WDR48: variants seen among roughly 807,000 people sequenced by gnomAD.
The protein encoded by WDR48 is WD repeat-containing protein 48.
A neutral mutation model predicts 94.0 loss-of-function variants in WDR48; 22 were observed. The observed-to-expected ratio is 0.23, with a 90% confidence interval of 0.17 to 0.33. The LOEUF (loss-of-function observed/expected upper bound fraction) is 0.33, where lower values mean the gene tolerates loss of function less well. WDR48 is among the 10% of genes least tolerant of loss of function. The pLI is 1.00. For missense variants in WDR48, 541 were observed against 813.8 expected (o/e 0.66, Z 4.08); for synonymous variants, 278 against 280.5 (o/e 0.99, Z 0.09).
intron 6 of WDR48, among the ~76,000 whole-genome samples, chr3:39,069,278 G>A (rs1408728549): frequency 3.9e-5 from 6 of 152,152 alleles, no homozygotes; most frequent in Non-Finnish European, 7.3e-5. Flanking sequence ...TGCCCCAATC[G>A]GGGGAGCTTA....
intron 1 of WDR48, among the ~76,000 whole-genome samples, chr3:39,059,117 G>A (rs1446502992): frequency 6.6e-6 from 1 of 151,026 alleles, no homozygotes; most frequent in Non-Finnish European, 1.5e-5. Flanking sequence ...GGTAAGAACT[G>A]TTAAATAAGT....
In WDR48 at chr3:39,089,228, T is replaced by G. The variant is rs2034963778; in HGVS notation, c.1581-3T>G. On this transcript the variant is annotated splice_region_variant and splice_polypyrimidine_tract_variant and intron_variant, in intron 15 of 18. Coordinates refer to ENST00000302313, the MANE Select transcript of WDR48 (RefSeq NM_020839.4). The stretch of plus-strand genomic sequence containing the variant: ...TACTTACTACTTGATGGTTTATGTT[T>G]AGGCTGCTCTGCCGAGATTCCGGGG... 1 of 1,611,468 alleles carries G rather than the reference T, an allele frequency of 6.2e-7. No individual in the cohort carries two copies. The highest frequency in any genetic ancestry group is 8.5e-7 in the Non-Finnish European group (1 of 1,178,792).
chr3:39,084,853 T>C (rs2034725924), intron 13 of WDR48, 112 bp downstream of exon 13: 2 of 821,480 alleles, frequency 2.4e-6, no homozygotes, highest in Non-Finnish European at 3.8e-6. Flanking sequence ...TTGTTGACTA[T>C]GTCCTAAAAA....
chr3:39,068,917 C>T, intron 6 of WDR48, 58 bp downstream of exon 6: 1 of 1,278,772 alleles, frequency 7.8e-7, no homozygotes, highest in South Asian at 1.5e-5. Context: ...CATACCTTGT[C>T]TCCTATTTTT....
At chr3:39,089,380 T>G (rs1234433245) in intron 16 of WDR48, 62 bp downstream of exon 16, 12 of 1,447,104 alleles carry the variant, frequency 8.3e-6, no homozygotes, top group Admixed American at 1.9e-5. Flanking sequence ...AATTAAGAAC[T>G]GCTTTAGACA....
intron 2 of WDR48, among the ~76,000 whole-genome samples, 174 bp from the exon 3 acceptor site, chr3:39,065,637 A>T (rs2033557308): frequency 6.6e-6 from 1 of 152,114 alleles, no homozygotes; most frequent in South Asian, 2.1e-4. Context: ...AAAACTGTTT[A>T]CATCTGTTAT....
intron 2 of WDR48, among the ~76,000 whole-genome samples, chr3:39,065,556 CAAA>C (rs34404622): frequency 8.6e-6 from 1 of 116,552 alleles, no homozygotes. Context: ...TTTAACAAGG[CAAA>C]AAAAAAAAAA....
chr3:39,055,939 C>T (rs2032850813), intron 1 of WDR48, among the ~76,000 whole-genome samples: 1 of 152,224 alleles, frequency 6.6e-6, no homozygotes, highest in South Asian at 2.1e-4. Context: ...ACCGTATCCT[C>T]AGCATTTAGA....
Position 39,074,909 on chromosome 3 carries a change from A to C in WDR48, c.856A>C (p.Ile286Leu). The C allele has an allele frequency of 1.2e-6, 2 of 1,614,232 alleles. No individual in the cohort carries two copies. Among genetic ancestry groups the C allele is most frequent in the Non-Finnish European group, 1.7e-6 (2 of 1,180,040 alleles). ...IYCTDLRNPD[I>L]RVLICEEKAP... ...TTGTACAGACCTAAGAAACCCTGAC[A>C]TTCGGGTGCTAATTTGTGAAGAAAA... Residue 286 changes from isoleucine (I) to leucine (L), a missense_variant, in exon 8 of 19, where the codon ATT (isoleucine) becomes CTT (leucine). By Grantham distance (5) the Ile-to-Leu change is conservative (BLOSUM62 2). This residue lies in a region of WDR48 where 238 missense variants were observed against 285.3 expected (regional missense o/e 0.83). Coordinates refer to ENST00000302313, the MANE Select transcript of WDR48 (RefSeq NM_020839.4).
At chr3:39,093,356 T>C (rs1362656523) in intron 17 of WDR48, among the ~76,000 whole-genome samples, 1 of 152,194 alleles carries the variant, frequency 6.6e-6, no homozygotes, top group East Asian at 1.9e-4. Context: ...TATGTATGTA[T>C]ATGTAAATGT....
At chr3:39,069,818 G>T in intron 7 of WDR48, 74 bp downstream of exon 7, 1 of 1,223,868 alleles carries the variant, frequency 8.2e-7, no homozygotes, top group Non-Finnish European at 1.1e-6. Flanking sequence ...TATTGCATAG[G>T]TTGATTTGAA....
intron 7 of WDR48, among the ~76,000 whole-genome samples, chr3:39,073,787 A>G (rs1384360574): frequency 6.6e-6 from 1 of 152,206 alleles, no homozygotes; most frequent in Non-Finnish European, 1.5e-5. Context: ...TGAGGCTCAT[A>G]TGGAAAGTGT....
At chr3:39,081,240 A>G (rs1186128999) in intron 11 of WDR48, among the ~76,000 whole-genome samples, 3 of 152,262 alleles carry the variant, frequency 2.0e-5, no homozygotes, top group Non-Finnish European at 4.4e-5. Context: ...GCTCCTGGTT[A>G]TAAAGAAAAG....
intron 5 of WDR48, 74 bp from the exon 6 acceptor site, chr3:39,068,697 C>T: frequency 9.8e-7 from 1 of 1,021,982 alleles, no homozygotes; most frequent in Non-Finnish European, 1.5e-6. Flanking sequence ...ATTGAATAAA[C>T]TTGCAGTTTT....
At chr3:39,075,394 A>G (rs756050766) in intron 8 of WDR48, among the ~76,000 whole-genome samples, 3 of 152,084 alleles carry the variant, frequency 2.0e-5, no homozygotes, top group Non-Finnish European at 2.9e-5. Flanking sequence ...TGAGCAGACA[A>G]CAAAGCAGAG....
At position 39,074,711 on chromosome 3, in the gene WDR48, T is replaced by G; in HGVS notation, c.673-15T>G. The G allele has an allele frequency of 6.2e-7, 1 of 1,613,106 alleles. No individual in the cohort carries two copies. The highest frequency in any genetic ancestry group is 8.5e-7 in the Non-Finnish European group (1 of 1,179,184). On this transcript the variant is annotated splice_polypyrimidine_tract_variant and intron_variant, in intron 7 of 18. Coordinates refer to ENST00000302313, the MANE Select transcript of WDR48 (RefSeq NM_020839.4). ...CTTTGTGGCAAGTTCTAACTTTGCC[T>G]TTCTTTGTTTGCAGTGCCTGTCAGG...
At chr3:39,052,382 T>G in intron 1 of WDR48, 1 of 340,978 alleles carries the variant, frequency 2.9e-6, no homozygotes, top group Non-Finnish European at 5.4e-6. Flanking sequence ...CCCCGCCCAC[T>G]TGCCTCCCCC....
intron 17 of WDR48, among the ~76,000 whole-genome samples, chr3:39,093,102 A>C (rs760208235): frequency 6.6e-6 from 1 of 152,164 alleles, no homozygotes; most frequent in Non-Finnish European, 1.5e-5. Context: ...CCAACTGAAG[A>C]TACCCAACCA....
intron 11 of WDR48, 128 bp from the exon 12 acceptor site, chr3:39,084,027 T>TTTTGAAATGTA: frequency 1.7e-6 from 1 of 584,406 alleles, no homozygotes; most frequent in Non-Finnish European, 2.8e-6. Context: ...ACCACATTCT[T>TTTTGAAATGTA]TTTGAAATGT....
Sources: allele counts gnomAD v4.1 joint callset (sites outside exome capture counted in the v4.1 genomes callset), GRCh38; gene constraint gnomAD v4.1.1; regional missense constraint gnomAD v4.1.1; transcripts MANE v1.5; gene names NCBI Gene and HGNC (gene_info 2026-07-23, HGNC 2026-07-21).